PHLPP2: variants seen among roughly 807,000 people sequenced by gnomAD.
The protein encoded by PHLPP2 is PH domain leucine-rich repeat-containing protein phosphatase 2.
A neutral mutation model predicts 124.9 loss-of-function variants in PHLPP2; 66 were observed. The observed-to-expected ratio is 0.53, with a 90% CI of 0.43 to 0.65. The LOEUF (loss-of-function observed/expected upper bound fraction) is 0.65. Ranked by LOEUF, PHLPP2 falls within the 30% of genes least tolerant of loss-of-function variation. PHLPP2 has a pLI of 0.00. For synonymous variants in PHLPP2, 681 were observed against 624.7 expected, an observed-to-expected ratio of 1.09 and a Z score of -1.34; for missense variants, 1,685 against 1,600.4, an observed-to-expected ratio of 1.05 and a Z score of -0.90.
chr16:71,699,633 C>T (rs548212095), intron 3 of PHLPP2, among the ~76,000 whole-genome samples: 8 of 152,200 alleles, frequency 5.3e-5, no homozygotes, highest in Non-Finnish European at 7.3e-5. Flanking sequence ...TTGGGACGCA[C>T]CAAGTGCCGG....
rs1056719938 is a variant in PHLPP2, at chr16:71,719,234, T to C, written c.-6-4433A>G. On this transcript the variant is annotated intron_variant, in intron 1 of 18. Coordinates refer to ENST00000568954, the MANE Select transcript of PHLPP2 (RefSeq NM_015020.3). ...AAACAAGTATACAAAGAGCGTATTT[T>C]AGATTTAAAGATCTTTCTAGCCGGG... Among the ~76,000 whole-genome samples, 11 of 152,334 alleles carry C rather than the reference T, an allele frequency of 7.2e-5. 1 individual carries two copies. In the South Asian group the frequency reaches 2.3e-3, roughly 32 times the overall value.
intron 1 of PHLPP2, among the ~76,000 whole-genome samples, chr16:71,719,756 T>A (rs1567632309): frequency 6.6e-6 from 1 of 151,610 alleles, no homozygotes; most frequent in Non-Finnish European, 1.5e-5. Flanking sequence ...GTCTTGAGGG[T>A]AAGCCATGAA....
rs1487281091 is a variant in PHLPP2, at chr16:71,648,406, C to T, written c.*484G>A. ...CACTGATAGTGGCTACCAGTTTATC[C>T]AGAGCCAGCCCCTGATGGCTCTCAC... On this transcript the variant is annotated 3_prime_UTR_variant, in exon 19 of 19. Transcript: ENST00000568954. 2 of 166,402 alleles carry T rather than the reference C, an allele frequency of 1.2e-5. No homozygotes were observed. The highest frequency in any genetic ancestry group is 2.7e-5 in the Non-Finnish European group (2 of 74,270). The allele number at this position is 166,402 out of a possible 1,614,324, so 10.3% of individuals were successfully genotyped here.
intron 13 of PHLPP2, among the ~76,000 whole-genome samples, chr16:71,662,318 T>A (rs978911605): frequency 6.6e-6 from 1 of 151,736 alleles, no homozygotes; most frequent in Non-Finnish European, 1.5e-5. Flanking sequence ...TAATCCCAGC[T>A]ACTTGGGAGG....
chr16:71,671,905 C>T (rs554030169), intron 10 of PHLPP2, among the ~76,000 whole-genome samples: 3 of 145,762 alleles, frequency 2.1e-5, no homozygotes, highest in African/African-American at 7.8e-5. Flanking sequence ...CAGAGCAAGA[C>T]TCCGTCTCAA....
rs1015175576 is a variant in PHLPP2 at position 71,724,635 on chromosome 16, A to G, written c.-313T>C. The G allele has an allele frequency of 6.6e-6, 1 of 152,118 alleles. No homozygotes were observed. The highest frequency in any genetic ancestry group is 1.5e-5 in the Non-Finnish European group (1 of 68,018). 9.4% of individuals were successfully genotyped at this position (152,118 alleles called of 1,614,324 possible). ...TAGTAGTTTTGTTGCCAATGGGCCA[A>G]ATTTGGAGTCAGCCAGCCTGTTTCC... is the stretch of plus-strand genomic sequence containing the variant. On this transcript the variant is annotated 5_prime_UTR_variant, in exon 1 of 19. Coordinates refer to ENST00000568954, the MANE Select transcript of PHLPP2 (RefSeq NM_015020.3).
At chr16:71,686,530 GAATA>G (rs771653731) in intron 4 of PHLPP2, among the ~76,000 whole-genome samples, 3 of 151,938 alleles carry the variant, frequency 2.0e-5, no homozygotes, top group East Asian at 1.9e-4. Context: ...TTTTATAAAT[GAATA>G]AATACAGTGT....
intron 11 of PHLPP2, among the ~76,000 whole-genome samples, chr16:71,668,887 C>A (rs2044864863): frequency 6.6e-6 from 1 of 152,132 alleles, no homozygotes; most frequent in African/African-American, 2.4e-5. Context: ...GATAACAGCA[C>A]CTATTAAATA....
chr16:71,670,695 A>AACACAC lies in PHLPP2; in HGVS notation c.1533-1331_1533-1326dup, dbSNP rs71153651. ...ACAGACTAAGAAAAAAGAGGCTGAA[A>AACACAC]ACACACACACACACACACACACACA... On this transcript the variant is annotated intron_variant, in intron 10 of 18. Coordinates refer to ENST00000568954, the MANE Select transcript of PHLPP2 (RefSeq NM_015020.3). Among the ~76,000 whole-genome samples, 218 of 129,020 alleles carry AACACAC rather than the reference A, an allele frequency of 1.7e-3. 1 individual carries two copies. The highest frequency in any genetic ancestry group is 3.7e-3 in the Middle Eastern group (1 of 270). The allele number at this position is 129,020 out of a possible 152,430, so 84.6% of individuals were successfully genotyped here.
intron 1 of PHLPP2, chr16:71,723,543 C>T: frequency 5.3e-6 from 1 of 190,026 alleles, no homozygotes; most frequent in Admixed American, 6.1e-5. Flanking sequence ...TGGGCAGCAG[C>T]GGGGTACCGA....
At chr16:71,652,651 C>T (rs2044704728) in intron 18 of PHLPP2, 139 bp downstream of exon 18, 1 of 622,546 alleles carries the variant, frequency 1.6e-6, no homozygotes, top group South Asian at 2.0e-5. Flanking sequence ...GTTGCTGAAA[C>T]CATCTGCATT....
intron 2 of PHLPP2, among the ~76,000 whole-genome samples, chr16:71,711,905 A>T (rs917661389): frequency 2.6e-5 from 4 of 152,260 alleles, no homozygotes; most frequent in Admixed American, 2.0e-4. Context: ...GCATGATTAA[A>T]TAGTGAAACT....
At chr16:71,718,808 G>A (rs987484897) in intron 1 of PHLPP2, among the ~76,000 whole-genome samples, 4 of 152,076 alleles carry the variant, frequency 2.6e-5, no homozygotes, top group African/African-American at 7.2e-5. Flanking sequence ...GATACATTCC[G>A]CCCTAAGAAG....
rs140931047 is a variant in PHLPP2 at position 71,676,643 on chromosome 16, G to A, written c.1275C>T (p.Asn425=). The A allele has an allele frequency of 1.8e-5, 29 of 1,608,172 alleles. No individual in the cohort carries two copies. In the African/African-American group the frequency reaches 2.9e-4, roughly 16 times the overall value. ...NHIKHVDLRM[N]HLKTMVIENL... ...TTTCAATAACCATGGTTTTCAAATG[G>A]TTCATCCTTAATACGCAGAAACAAG... The change falls in exon 9 of 19, where the codon AAC becomes AAT. Residue 425 remains asparagine, a synonymous_variant. Transcript: ENST00000568954.
chr16:71,684,331 G>C, intron 5 of PHLPP2, 145 bp downstream of exon 5: 2 of 684,476 alleles, frequency 2.9e-6, no homozygotes, highest in Non-Finnish European at 4.9e-6. Flanking sequence ...TCACCATGTT[G>C]GTCAGACTGG....
At chr16:71,704,918 C>G (rs2045262730) in intron 2 of PHLPP2, among the ~76,000 whole-genome samples, 1 of 152,124 alleles carries the variant, frequency 6.6e-6, no homozygotes, top group African/African-American at 2.4e-5. Flanking sequence ...GGAGGATTAA[C>G]TTCAAGACAA....
At chr16:71,669,205 G>T in intron 11 of PHLPP2, 70 bp downstream of exon 11, 1 of 1,103,232 alleles carries the variant, frequency 9.1e-7, no homozygotes, top group Non-Finnish European at 1.3e-6. Context: ...CCCAAATCTA[G>T]AAAAAAATTT....
chr16:71,672,378 G>C (rs2145328926), intron 9 of PHLPP2, 56 bp from the exon 10 acceptor site: 2 of 1,245,156 alleles, frequency 1.6e-6, no homozygotes, highest in Middle Eastern at 1.9e-4. Context: ...AAGTAACTGA[G>C]AGCTGACAAT....
At chr16:71,682,330 G>A (rs1276096041) in intron 5 of PHLPP2, among the ~76,000 whole-genome samples, 1 of 149,748 alleles carries the variant, frequency 6.7e-6, no homozygotes, top group Non-Finnish European at 1.5e-5. Flanking sequence ...CAATTCTCCT[G>A]TGCCACCATG....
Sources: allele counts gnomAD v4.1 joint callset (sites outside exome capture counted in the v4.1 genomes callset), GRCh38; gene constraint gnomAD v4.1.1; transcripts MANE v1.5; gene names NCBI Gene and HGNC (gene_info 2026-07-23, HGNC 2026-07-21).